HIPK2: variants seen among roughly 807,000 people sequenced by gnomAD.
HIPK2 encodes the protein homeodomain interacting protein kinase 2.
Under a neutral mutation model 113.7 loss-of-function variants are expected in HIPK2, and 27 were observed. The ratio of observed to expected loss-of-function variants is 0.24; its 90% CI spans 0.17 to 0.33. HIPK2 has a LOEUF of 0.33. HIPK2 is among the 10% of genes least tolerant of loss of function. The pLI is 1.00. For synonymous variants in HIPK2, 631 were observed against 642.2 expected (o/e 0.98, Z 0.26); for missense variants, 1,257 against 1,588.0 (o/e 0.79, Z 3.54).
chr7:139,763,472 G>GCCCCCCCCCC (rs547691856), intron 1 of HIPK2, among the ~76,000 whole-genome samples: 5 of 100,792 alleles, frequency 5.0e-5, no homozygotes, highest in African/African-American at 1.5e-4. Context: ...GCCGGAACAC[G>GCCCCCCCCCC]CCCCCCCCCC....
At chr7:139,652,002 A>C (rs945668553) in intron 2 of HIPK2, among the ~76,000 whole-genome samples, 1 of 152,196 alleles carries the variant, frequency 6.6e-6, no homozygotes, top group Non-Finnish European at 1.5e-5. Context: ...GCCATAACTC[A>C]GTGAATATCT....
intron 2 of HIPK2, among the ~76,000 whole-genome samples, chr7:139,687,528 A>T (rs181174615): frequency 6.6e-6 from 1 of 152,246 alleles, no homozygotes; most frequent in Non-Finnish European, 1.5e-5. Flanking sequence ...CTAACATAGT[A>T]AATACAGGAT....
chr7:139,638,978 C>T (rs1306754593), intron 2 of HIPK2, among the ~76,000 whole-genome samples: 2 of 152,202 alleles, frequency 1.3e-5, no homozygotes, highest in Admixed American at 6.5e-5. Context: ...TTTTGACACA[C>T]AAATACGTTT....
chr7:139,570,104 G>T lies in HIPK2; in HGVS notation c.*2823C>A, dbSNP rs1171801259. The T allele has an allele frequency of 6.6e-6, 1 of 152,150 alleles. No homozygotes were observed. Among genetic ancestry groups the T allele is most frequent in the Non-Finnish European group, 1.5e-5 (1 of 68,032 alleles). 9.4% of individuals were successfully genotyped at this position (152,150 alleles called of 1,614,324 possible). A position where few individuals can be genotyped will look rare whatever the true frequency, so the allele number is the denominator to read the frequency against. ...CTTTCCCCCTAAAAGATCAGATCTA[G>T]AAAGGGCTGGAAATGAACTGTGCCC... On this transcript the variant is annotated 3_prime_UTR_variant, in exon 15 of 15. Transcript: ENST00000406875.
chr7:139,735,900 T>G (rs576056992), intron 1 of HIPK2, among the ~76,000 whole-genome samples: 16 of 151,942 alleles, frequency 1.1e-4, no homozygotes, highest in Non-Finnish European at 2.1e-4. Context: ...AATATGAAAA[T>G]AAGATAAAAC....
chr7:139,659,931 T>G (rs1391249142), intron 2 of HIPK2, among the ~76,000 whole-genome samples: 1 of 152,264 alleles, frequency 6.6e-6, no homozygotes, highest in African/African-American at 2.4e-5. Flanking sequence ...TCCCAATATA[T>G]AACTGCATGT....
chr7:139,706,280 C>T (rs962279409), intron 2 of HIPK2, among the ~76,000 whole-genome samples: 7 of 152,174 alleles, frequency 4.6e-5, no homozygotes, highest in Non-Finnish European at 5.9e-5. Flanking sequence ...GAGATGTGTA[C>T]GTTCCCCAAG....
intron 2 of HIPK2, among the ~76,000 whole-genome samples, chr7:139,703,841 C>A (rs1794790401): frequency 8.7e-6 from 1 of 114,348 alleles, no homozygotes; most frequent in Admixed American, 9.3e-5. Context: ...ACCTCCCCCA[C>A]ACCCACACTA....
intron 2 of HIPK2, among the ~76,000 whole-genome samples, chr7:139,705,066 G>T (rs1196519129): frequency 1.3e-5 from 2 of 152,184 alleles, no homozygotes; most frequent in Non-Finnish European, 2.9e-5. Context: ...TGTTCCTTTG[G>T]GACCTAGTGA....
At chr7:139,601,708 C>A (rs1156714425) in intron 10 of HIPK2, among the ~76,000 whole-genome samples, 1 of 152,098 alleles carries the variant, frequency 6.6e-6, no homozygotes, top group African/African-American at 2.4e-5. Flanking sequence ...CCTTGTTTTC[C>A]CACAGAAATG....
chr7:139,767,720 A>C (rs1321677134), intron 1 of HIPK2, among the ~76,000 whole-genome samples: 6 of 152,272 alleles, frequency 3.9e-5, no homozygotes, highest in African/African-American at 1.2e-4. Context: ...AAGGTTGAGG[A>C]GGAAAAGGAG....
chr7:139,722,516 C>G (rs1458753547), intron 1 of HIPK2, among the ~76,000 whole-genome samples: 1 of 152,150 alleles, frequency 6.6e-6, no homozygotes, highest in African/African-American at 2.4e-5. Flanking sequence ...GCCTTCTAGC[C>G]TTAATTATAG....
chr7:139,718,815 G>A (rs896393156), intron 1 of HIPK2, among the ~76,000 whole-genome samples: 3 of 152,058 alleles, frequency 2.0e-5, no homozygotes, highest in Non-Finnish European at 4.4e-5. Flanking sequence ...AGTAACAGCC[G>A]CATTCCCCCC....
chr7:139,648,975 G>A (rs975980085), intron 2 of HIPK2, among the ~76,000 whole-genome samples: 3 of 152,138 alleles, frequency 2.0e-5, no homozygotes, highest in African/African-American at 7.2e-5. Context: ...TCTAAAAGCT[G>A]GCGTCTGAAG....
In HIPK2 at chr7:139,631,826, C is replaced by T; in HGVS notation, c.1104-101G>A. On this transcript the variant is annotated intron_variant, in intron 2 of 14. Transcript: ENST00000406875. The surrounding 1 kb of genome is among the most constrained non-coding windows in gnomAD (Gnocchi z 4.9). ...CAAACCTGGGGTGCCATTACTGACT[C>T]CTCCTCTGAAGGGCCTGTGGCTCTC... is the stretch of plus-strand genomic sequence containing the variant. 1.4e-6 allele frequency: 2 copies of T among 1,414,274 alleles called. No individual in the cohort carries two copies. Among genetic ancestry groups the T allele is most frequent in the African/African-American group, 1.4e-5 (1 of 69,332 alleles). The allele number at this position is 1,414,274 out of a possible 1,614,324, so 87.6% of individuals were successfully genotyped here. A position where few individuals can be genotyped will look rare whatever the true frequency, so the allele number is the denominator to read the frequency against.
chr7:139,767,322 C>G (rs1195450205), intron 1 of HIPK2, among the ~76,000 whole-genome samples: 1 of 152,228 alleles, frequency 6.6e-6, no homozygotes, highest in Non-Finnish European at 1.5e-5. Context: ...CAGTCCCTTA[C>G]ACAAATACAC....
intron 6 of HIPK2, among the ~76,000 whole-genome samples, chr7:139,622,195 T>C (rs1409574678): frequency 6.6e-6 from 1 of 151,824 alleles, no homozygotes; most frequent in East Asian, 1.9e-4. Flanking sequence ...ACTTAGAGAG[T>C]CCTACTTCTT....
At chr7:139,647,745 TA>T (rs546392483) in intron 2 of HIPK2, among the ~76,000 whole-genome samples, 1 of 151,908 alleles carries the variant, frequency 6.6e-6, no homozygotes, top group Non-Finnish European at 1.5e-5. Context: ...AAAATTCAAT[TA>T]AAAAAAACCC....
chr7:139,613,302 T>G lies in HIPK2; in HGVS notation c.2012A>C (p.Lys671Thr). 24 of 1,613,552 alleles carry G rather than the reference T, an allele frequency of 1.5e-5. No homozygotes were observed. Among genetic ancestry groups the G allele is most frequent in the Non-Finnish European group, 1.9e-5 (22 of 1,179,732 alleles). ...CATTCGCACCGAGTAGCCAGCGTGC[T>G]TAGAGGGAGAGGCCTGCAAGCCTGT... ...GFQGLQASPS[K>T]HAGYSVRMEN... is the part of the protein sequence containing the mutation. Residue 671 changes from lysine to threonine, a missense_variant, in exon 9 of 15, where the codon AAG becomes ACG. Lys to Thr is a moderately conservative substitution (Grantham distance 78). This residue lies in a region of HIPK2 where 862 missense variants were observed against 1,004.3 expected (regional missense o/e 0.86). Coordinates refer to ENST00000406875, the MANE Select transcript of HIPK2 (RefSeq NM_022740.5). The surrounding 1 kb of genome is among the most constrained non-coding windows in gnomAD (Gnocchi z 4.2).
Sources: allele counts gnomAD v4.1 joint callset (sites outside exome capture counted in the v4.1 genomes callset), GRCh38; gene constraint gnomAD v4.1.1; regional missense constraint gnomAD v4.1.1; non-coding constraint Gnocchi (gnomAD v3.1); transcripts MANE v1.5; gene names NCBI Gene and HGNC (gene_info 2026-07-23, HGNC 2026-07-21).